Variants in PREX2 observed in about 807,000 individuals in gnomAD.
PREX2 encodes phosphatidylinositol 3,4,5-trisphosphate-dependent Rac exchanger 2 protein.
PREX2 carries 107 observed loss-of-function variants against 203.2 expected under a neutral mutation model. That is an observed-to-expected ratio of 0.53 (90% confidence interval 0.45 to 0.62). The LOEUF is 0.62. PREX2 is among the 20% of genes least tolerant of loss of function. PREX2 has a pLI of 0.00. For missense variants in PREX2, 1,777 were observed against 1,955.9 expected, an observed-to-expected ratio of 0.91 and a Z score of 1.72; for synonymous variants, 672 against 663.6, an observed-to-expected ratio of 1.01 and a Z score of -0.19.
At chr8:68,065,657 C>T (rs1052142558) in intron 11 of PREX2, among the ~76,000 whole-genome samples, 23 of 152,022 alleles carry the variant, frequency 1.5e-4, no homozygotes, top group Admixed American at 9.2e-4. Flanking sequence ...TTCAACATTT[C>T]TAGCAAAAAA....
At chr8:68,150,316 C>A (rs1367479251) in intron 34 of PREX2, among the ~76,000 whole-genome samples, 1 of 152,116 alleles carries the variant, frequency 6.6e-6, no homozygotes, top group Non-Finnish European at 1.5e-5. Flanking sequence ...ATAGCCCTTG[C>A]AGCCCCAGCT....
chr8:68,202,680 T>C (rs1812529371), intron 37 of PREX2, among the ~76,000 whole-genome samples: 1 of 151,870 alleles, frequency 6.6e-6, no homozygotes, highest in Non-Finnish European at 1.5e-5. Flanking sequence ...AAATAAAGAA[T>C]AGGGGAGAGG....
intron 15 of PREX2, among the ~76,000 whole-genome samples, chr8:68,079,641 A>G (rs1809452565): frequency 7.5e-6 from 1 of 133,850 alleles, no homozygotes; most frequent in African/African-American, 2.8e-5. Context: ...ACAGAGAAAT[A>G]AGAAATAGAT....
rs748812788 is a variant in PREX2 at position 68,217,710 on chromosome 8, C to G, written c.4699C>G (p.Arg1567Gly). Residue 1567 changes from arginine (R) to glycine (G), a missense_variant, in exon 38 of 40, where the codon CGG becomes GGG. By Grantham distance (125) the Arg-to-Gly change is moderately radical. Transcript: ENST00000288368. Reference sequence around the variant, plus strand: ...CATCATGCAGGCTACAGATGTGATGCGGAAGCAGGTAGGTCTCATGCAGAC... The same window carrying G: ...CATCATGCAGGCTACAGATGTGATGGGGAAGCAGGTAGGTCTCATGCAGAC... ...RYIMQATDVM[R>G]KQGARVQNTA... 3 of 1,611,986 alleles carry G rather than the reference C, an allele frequency of 1.9e-6. No individual in the cohort carries two copies. Among genetic ancestry groups the G allele is most frequent in the South Asian group, 2.2e-5 (2 of 90,968 alleles).
At chr8:68,146,470 C>T (rs1811329222) in intron 34 of PREX2, 118 bp downstream of exon 34, 2 of 899,682 alleles carry the variant, frequency 2.2e-6, no homozygotes, top group Non-Finnish European at 3.3e-6. Context: ...TATTATTTAG[C>T]CAATATATTT....
Position 67,968,438 on chromosome 8 carries a change from A to G in PREX2, c.141+15903A>G, listed in dbSNP as rs192490755. The stretch of plus-strand genomic sequence containing the variant: ...TTCTTTGGTTCACTGAATTCGCAGC[A>G]CAAAGAAAAGGAAATAGCTTTATTA... On this transcript the variant is annotated intron_variant, in intron 1 of 39. Coordinates refer to ENST00000288368, the MANE Select transcript of PREX2 (RefSeq NM_024870.4). Among the ~76,000 whole-genome samples the G allele has an allele frequency of 1.6e-3, 250 of 152,312 alleles. 4 individuals are homozygous for G. The highest frequency in any genetic ancestry group is 5.7e-3 in the African/African-American group (237 of 41,572).
At chr8:67,992,755 G>T (rs1220457824) in intron 1 of PREX2, among the ~76,000 whole-genome samples, 1 of 152,188 alleles carries the variant, frequency 6.6e-6, no homozygotes, top group Non-Finnish European at 1.5e-5. Context: ...TGTAGCAACG[G>T]TGCAGATTCC....
In PREX2 at chr8:68,109,433, G is replaced by A; in HGVS notation, c.2956G>A (p.Val986Met). The A allele has an allele frequency of 6.2e-7, 1 of 1,613,792 alleles. No homozygotes were observed. Among genetic ancestry groups the A allele is most frequent in the Non-Finnish European group, 8.5e-7 (1 of 1,179,828 alleles). The change falls in exon 25 of 40, where the codon GTG becomes ATG. Residue 986 changes from valine to methionine, a missense_variant. Val to Met is a conservative substitution (Grantham distance 21, BLOSUM62 1). Transcript: ENST00000288368. Reference protein sequence around the residue: ...SSEQGKLSPMVYIQHTITTMA... With the variant: ...SSEQGKLSPMMYIQHTITTMA... ...TTCCTCAGGGAAACTGAGCCCTATGGTGTACATTCAGCACACCATCACAAC... is the reference window on the plus strand; with the variant it reads ...TTCCTCAGGGAAACTGAGCCCTATGATGTACATTCAGCACACCATCACAAC...
intron 35 of PREX2, among the ~76,000 whole-genome samples, chr8:68,187,854 G>GT (rs1030837387): frequency 6.6e-6 from 1 of 152,200 alleles, no homozygotes; most frequent in Non-Finnish European, 1.5e-5. Flanking sequence ...CAAGTGATGA[G>GT]TTGTGGGCTA....
At chr8:67,981,205 A>T (rs546891518) in intron 1 of PREX2, among the ~76,000 whole-genome samples, 48 of 152,344 alleles carry the variant, frequency 3.2e-4, no homozygotes, top group African/African-American at 1.1e-3. Flanking sequence ...CAGCCTTATG[A>T]CATTGATAAA....
chr8:68,099,623 T>C, intron 22 of PREX2, 59 bp from the exon 23 acceptor site: 2 of 1,464,894 alleles, frequency 1.4e-6, no homozygotes, highest in Non-Finnish European at 9.3e-7. Context: ...TGTTTTTCTA[T>C]GTGTGTGTCT....
At position 68,118,980 on chromosome 8, in the gene PREX2, G is replaced by A. The variant is rs868483990; in HGVS notation, c.3421+336G>A. On this transcript the variant is annotated intron_variant, in intron 27 of 39. Coordinates refer to ENST00000288368, the MANE Select transcript of PREX2 (RefSeq NM_024870.4). Reference sequence around the variant, plus strand: ...TGGTTGATGGGGATGGGCAGGTGTGGAGTTTGAAGCATTTAAGACAGCAGG... The same window carrying A: ...TGGTTGATGGGGATGGGCAGGTGTGAAGTTTGAAGCATTTAAGACAGCAGG... The A allele has an allele frequency of 2.2e-4, 103 of 464,296 alleles. 1 individual carries two copies. In the Middle Eastern group the frequency reaches 5.5e-3, roughly 25 times the overall value. The allele number at this position is 464,296 out of a possible 1,614,324, so 28.8% of individuals were successfully genotyped here.
intron 1 of PREX2, among the ~76,000 whole-genome samples, chr8:68,003,656 T>C: frequency 6.6e-6 from 1 of 152,144 alleles, no homozygotes; most frequent in South Asian, 2.1e-4. Flanking sequence ...AATTCTGTGA[T>C]TTTTATTCAG....
At chr8:68,094,221 G>A (rs1368427081) in intron 21 of PREX2, among the ~76,000 whole-genome samples, 3 of 152,196 alleles carry the variant, frequency 2.0e-5, no homozygotes, top group Non-Finnish European at 4.4e-5. Flanking sequence ...TACTGAGTCA[G>A]AATTCTCATT....
At chr8:68,003,522 A>G (rs1222950448) in intron 1 of PREX2, among the ~76,000 whole-genome samples, 2 of 152,146 alleles carry the variant, frequency 1.3e-5, no homozygotes, top group South Asian at 2.1e-4. Context: ...TGGGTGCTCA[A>G]TTGTATCCTG....
intron 23 of PREX2, 192 bp downstream of exon 23, chr8:68,100,035 G>T (rs1265564294): frequency 2.8e-6 from 2 of 713,146 alleles, no homozygotes; most frequent in Admixed American, 1.7e-5. Flanking sequence ...TTGCAAACTT[G>T]TAAGTTATGT....
At chr8:68,205,774 A>T (rs1812612156) in intron 37 of PREX2, among the ~76,000 whole-genome samples, 1 of 152,364 alleles carries the variant, frequency 6.6e-6, no homozygotes, top group South Asian at 2.1e-4. Flanking sequence ...AACACACTTT[A>T]CACAGAACGG....
At chr8:68,188,334 C>T (rs139622916) in intron 35 of PREX2, among the ~76,000 whole-genome samples, 1 of 152,216 alleles carries the variant, frequency 6.6e-6, no homozygotes, top group African/African-American at 2.4e-5. Flanking sequence ...AATTTAAAAA[C>T]CATCCCACTT....
intron 10 of PREX2, among the ~76,000 whole-genome samples, chr8:68,058,107 C>T (rs906276959): frequency 2.6e-5 from 4 of 152,184 alleles, no homozygotes; most frequent in South Asian, 2.1e-4. Context: ...GATCCTTGTC[C>T]GTTAGCAGAG....
Sources: gnomAD v4.1 joint callset for allele counts (sites outside exome capture counted in the v4.1 genomes callset) on GRCh38, gnomAD v4.1.1 for gene constraint, MANE v1.5 for transcripts, NCBI Gene and HGNC (gene_info 2026-07-23, HGNC 2026-07-21) for gene names.